Variants in PTPRD observed in about 807,000 individuals in gnomAD.
The protein encoded by PTPRD is protein tyrosine phosphatase receptor type D.
A neutral mutation model predicts 214.5 loss-of-function variants in PTPRD; 34 were observed. That is an observed-to-expected ratio of 0.16 (90% CI 0.12 to 0.21). PTPRD has a LOEUF of 0.21. Among genes scored for constraint, PTPRD ranks in the 10% least tolerant of loss-of-function variants. PTPRD has a pLI of 1.00. For missense variants in PTPRD, 2,545 were observed against 2,398.7 expected, an observed-to-expected ratio of 1.06 and a Z score of -1.27; for synonymous variants, 1,128 against 845.7, an observed-to-expected ratio of 1.33 and a Z score of -5.79.
chr9:9,053,695 G>T (rs181669480), intron 10 of PTPRD, among the ~76,000 whole-genome samples: 4 of 152,150 alleles, frequency 2.6e-5, no homozygotes, highest in Admixed American at 2.0e-4. Flanking sequence ...ATAGCTCTAG[G>T]AAATTAGTAT....
chr9:10,450,396 G>T (rs918439760), intron 2 of PTPRD, among the ~76,000 whole-genome samples: 11 of 151,890 alleles, frequency 7.2e-5, no homozygotes, highest in African/African-American at 2.7e-4. Flanking sequence ...CTAGCTTGCT[G>T]TTGGGAACTA....
At chr9:8,713,714 G>A in intron 12 of PTPRD, 2 of 1,510,572 alleles carry the variant, frequency 1.3e-6, no homozygotes, top group Middle Eastern at 2.3e-4. Flanking sequence ...ATCGCGGCCA[G>A]CAAGTGACGC....
intron 12 of PTPRD, among the ~76,000 whole-genome samples, chr9:8,714,264 C>G (rs1453886504): frequency 1.3e-5 from 2 of 152,088 alleles, no homozygotes; most frequent in Non-Finnish European, 2.9e-5. Flanking sequence ...TAACAAAGCA[C>G]AAATATAATC....
chr9:9,141,905 A>G (rs1472304363), intron 10 of PTPRD, among the ~76,000 whole-genome samples: 4 of 152,092 alleles, frequency 2.6e-5, no homozygotes, highest in African/African-American at 4.8e-5. Context: ...TCATTAATAG[A>G]TTAATAGTTT....
chr9:9,369,070 G>A (rs573210389), intron 9 of PTPRD, among the ~76,000 whole-genome samples: 1 of 152,132 alleles, frequency 6.6e-6, no homozygotes, highest in African/African-American at 2.4e-5. Flanking sequence ...CTTCATCCAT[G>A]TCCCTACAAA....
intron 14 of PTPRD, among the ~76,000 whole-genome samples, chr9:8,576,890 T>C (rs2092451603): frequency 6.6e-6 from 1 of 152,200 alleles, no homozygotes; most frequent in Non-Finnish European, 1.5e-5. Context: ...TGCTACCTTT[T>C]GAGTTACTGT....
At chr9:9,184,962 T>C (rs1366828097) in intron 9 of PTPRD, among the ~76,000 whole-genome samples, 2 of 152,062 alleles carry the variant, frequency 1.3e-5, no homozygotes, top group Admixed American at 6.6e-5. Flanking sequence ...TTTGATTTTG[T>C]TTAAGAGCTC....
chr9:10,557,044 T>G (rs1055987262), intron 2 of PTPRD, among the ~76,000 whole-genome samples: 1 of 152,088 alleles, frequency 6.6e-6, no homozygotes, highest in Non-Finnish European at 1.5e-5. Flanking sequence ...ACAGGCTGAA[T>G]TTACTTGTAA....
intron 2 of PTPRD, among the ~76,000 whole-genome samples, chr9:10,563,234 TATG>T (rs1200270126): frequency 2.6e-5 from 4 of 152,210 alleles, no homozygotes; most frequent in Non-Finnish European, 2.9e-5. Flanking sequence ...AACTCTTCCT[TATG>T]ATTTGTTAAA....
Position 8,829,364 on chromosome 9 carries a change from T to C in PTPRD, c.-103-95418A>G, listed in dbSNP as rs192615785. 6.6e-5 allele frequency among the ~76,000 whole-genome samples: 10 copies of C among 152,322 alleles called. No individual in the cohort carries two copies. The East Asian group carries it at 1.9e-3, about 29-fold the overall frequency. On this transcript the variant is annotated intron_variant, in intron 11 of 45. Transcript: ENST00000381196. The stretch of plus-strand genomic sequence containing the variant: ...CTATAGATTAGTTTTACCTAAAAAA[T>C]CACAGAGGGAATCATACAGTTTGTA...
chr9:8,837,437 T>C (rs1451667808), intron 11 of PTPRD, among the ~76,000 whole-genome samples: 1 of 152,204 alleles, frequency 6.6e-6, no homozygotes, highest in Non-Finnish European at 1.5e-5. Flanking sequence ...AACTAAATTT[T>C]AATTAAAGTC....
chr9:8,375,043 C>A (rs2082802782), intron 39 of PTPRD, among the ~76,000 whole-genome samples: 1 of 151,804 alleles, frequency 6.6e-6, no homozygotes, highest in African/African-American at 2.4e-5. Context: ...TTCCTATACT[C>A]CCAGACTTCT....
At chr9:8,869,541 C>T in intron 11 of PTPRD, among the ~76,000 whole-genome samples, 1 of 152,096 alleles carries the variant, frequency 6.6e-6, no homozygotes, top group East Asian at 1.9e-4. Flanking sequence ...TGGGCCAGCT[C>T]CCAGGAGTCA....
intron 4 of PTPRD, among the ~76,000 whole-genome samples, chr9:9,962,098 G>T (rs767510618): frequency 6.6e-6 from 1 of 152,080 alleles, no homozygotes; most frequent in East Asian, 1.9e-4. Flanking sequence ...CCTGGGTCTT[G>T]CTTCTGACAG....
At chr9:9,777,599 G>A (rs1471832771) in intron 5 of PTPRD, among the ~76,000 whole-genome samples, 2 of 152,096 alleles carry the variant, frequency 1.3e-5, no homozygotes, top group African/African-American at 2.4e-5. Context: ...TCAAGAGCCG[G>A]AGGTGGGAGA....
At position 9,375,756 on chromosome 9, in the gene PTPRD, T is replaced by C. The variant is rs140096341; in HGVS notation, c.-203+21693A>G. Among the ~76,000 whole-genome samples the C allele has an allele frequency of 3.2e-3, 486 of 152,276 alleles. 2 individuals carry two copies. Among genetic ancestry groups the C allele is most frequent in the South Asian group, 9.7e-3 (47 of 4,826 alleles). ...GAGGTATCTGGAATAGCTGAATTCATAGAGACATAAAGTAGGATGATGGTT... is the reference window on the plus strand; with the variant it reads ...GAGGTATCTGGAATAGCTGAATTCACAGAGACATAAAGTAGGATGATGGTT... On this transcript the variant is annotated intron_variant, in intron 9 of 45. Transcript: ENST00000381196.
intron 7 of PTPRD, among the ~76,000 whole-genome samples, chr9:9,599,495 T>C (rs893771276): frequency 6.6e-6 from 1 of 152,082 alleles, no homozygotes; most frequent in Non-Finnish European, 1.5e-5. Context: ...CTTCCTCCAA[T>C]ATCTACAGTC....
intron 9 of PTPRD, among the ~76,000 whole-genome samples, chr9:9,262,514 T>C (rs1757076865): frequency 6.6e-6 from 1 of 151,534 alleles, no homozygotes; most frequent in Non-Finnish European, 1.5e-5. Flanking sequence ...GGCTACTATA[T>C]TGGGCAGTGT....
At position 10,129,095 on chromosome 9, in the gene PTPRD, C is replaced by G. The variant is rs148750897; in HGVS notation, c.-544-95305G>C. On this transcript the variant is annotated intron_variant, in intron 3 of 45. Coordinates refer to ENST00000381196, the MANE Select transcript of PTPRD (RefSeq NM_002839.4). Reference sequence around the variant, plus strand: ...TTCCAATGTAACAAATAATGTATTTCAACTCCTGATATGAATTAAGAAAGA... The same window carrying G: ...TTCCAATGTAACAAATAATGTATTTGAACTCCTGATATGAATTAAGAAAGA... 2.8e-4 allele frequency among the ~76,000 whole-genome samples: 43 copies of G among 152,210 alleles called. 1 individual carries two copies. In the East Asian group the frequency reaches 7.7e-3, roughly 27 times the overall value.
Sources: gnomAD v4.1 joint callset for allele counts (sites outside exome capture counted in the v4.1 genomes callset) on GRCh38, gnomAD v4.1.1 for gene constraint, MANE v1.5 for transcripts, NCBI Gene and HGNC (gene_info 2026-07-23, HGNC 2026-07-21) for gene names.